GNAQ: variants seen among roughly 807,000 people sequenced by gnomAD.
GNAQ encodes guanine nucleotide-binding protein G(q) subunit alpha.
In GNAQ, 8 loss-of-function variants were observed where a neutral mutation model predicts 43.9. The ratio of observed to expected loss-of-function variants is 0.18; its 90% confidence interval spans 0.11 to 0.33. The LOEUF (loss-of-function observed/expected upper bound fraction) is 0.33, where lower values mean the gene tolerates loss of function less well. GNAQ is among the 10% of genes least tolerant of loss of function. The pLI is 1.00. For synonymous variants in GNAQ, 155 were observed against 170.7 expected (o/e 0.91, Z 0.71); for missense variants, 158 against 450.8 (o/e 0.35, Z 5.88).
In GNAQ at chr9:77,823,661, C is replaced by T. The variant is rs147456304; in HGVS notation, c.322-7891G>A. On this transcript the variant is annotated intron_variant, in intron 2 of 6. Transcript: ENST00000286548. ...TGAAGGGGAAGCAAGCACGTCTTACCGTGGTAGAGCAGGAGAGACAGAGAA... is the reference window on the plus strand; with the variant it reads ...TGAAGGGGAAGCAAGCACGTCTTACTGTGGTAGAGCAGGAGAGACAGAGAA... 5.9e-5 allele frequency among the ~76,000 whole-genome samples: 9 copies of T among 152,192 alleles called. No homozygotes were observed. In the East Asian group the frequency reaches 1.4e-3, roughly 23 times the overall value.
At chr9:77,899,096 T>C (rs1438057932) in intron 2 of GNAQ, among the ~76,000 whole-genome samples, 1 of 152,102 alleles carries the variant, frequency 6.6e-6, no homozygotes, top group Non-Finnish European at 1.5e-5. Flanking sequence ...TCACCCGTTT[T>C]TTTGTTTTGT....
At chr9:77,912,889 T>C (rs1350859137) in intron 2 of GNAQ, among the ~76,000 whole-genome samples, 1 of 152,188 alleles carries the variant, frequency 6.6e-6, no homozygotes, top group African/African-American at 2.4e-5. Flanking sequence ...GGTACACCCC[T>C]GTAATCCCAG....
intron 2 of GNAQ, among the ~76,000 whole-genome samples, chr9:77,848,983 CAG>C (rs1335410963): frequency 1.3e-5 from 2 of 152,186 alleles, no homozygotes; most frequent in South Asian, 2.1e-4. Context: ...AGAAGTGTCT[CAG>C]AGTGTAGCAA....
At chr9:77,830,774 A>G (rs1336120496) in intron 2 of GNAQ, among the ~76,000 whole-genome samples, 1 of 152,134 alleles carries the variant, frequency 6.6e-6, no homozygotes, top group Non-Finnish European at 1.5e-5. Flanking sequence ...TTGAAAATGG[A>G]TATTTGGATA....
intron 2 of GNAQ, among the ~76,000 whole-genome samples, chr9:77,899,552 CAAA>C (rs67934886): frequency 7.3e-6 from 1 of 137,330 alleles, no homozygotes; most frequent in South Asian, 2.3e-4. Context: ...ATCACATTAA[CAAA>C]AAAAAAAATC....
At chr9:77,788,365 A>G (rs1186676179) in intron 5 of GNAQ, among the ~76,000 whole-genome samples, 1 of 152,230 alleles carries the variant, frequency 6.6e-6, no homozygotes, top group East Asian at 1.9e-4. Context: ...AACATGAAAA[A>G]AAATCTCAAC....
rs1826998939 is a variant in GNAQ, at chr9:77,815,561, C to CTTTACT, written c.476+54_476+55insAGTAAA. 4.4e-6 allele frequency: 5 copies of CTTTACT among 1,127,836 alleles called. No homozygotes were observed. The East Asian group carries it at 9.4e-5, about 21-fold the overall frequency. The allele number at this position is 1,127,836 out of a possible 1,614,324, so 69.9% of individuals were successfully genotyped here. A position where few individuals can be genotyped will look rare whatever the true frequency, so the allele number is the denominator to read the frequency against. On this transcript the variant is annotated intron_variant, in intron 3 of 6. Coordinates refer to ENST00000286548, the MANE Select transcript of GNAQ (RefSeq NM_002072.5). ...TAAAGAAGTTATGATAATCATAAAACCTCCACATGGAAGTAAAGAGAAAAA... is the reference window on the plus strand; with the variant it reads ...TAAAGAAGTTATGATAATCATAAAACTTTACTCTCCACATGGAAGTAAAGAGAAAAA...
intron 5 of GNAQ, among the ~76,000 whole-genome samples, chr9:77,733,808 GAC>G (rs1033306936): frequency 1.3e-5 from 2 of 152,220 alleles, no homozygotes; most frequent in African/African-American, 4.8e-5. Context: ...ATGCTGGGGT[GAC>G]ACAGAAGGAA....
intron 5 of GNAQ, among the ~76,000 whole-genome samples, chr9:77,769,365 C>A (rs1410991540): frequency 6.6e-6 from 1 of 150,816 alleles, no homozygotes; most frequent in Non-Finnish European, 1.5e-5. Flanking sequence ...GATTGCGCCA[C>A]TGCACTCCAG....
chr9:77,867,548 T>C (rs1437699140), intron 2 of GNAQ, among the ~76,000 whole-genome samples: 1 of 152,190 alleles, frequency 6.6e-6, no homozygotes, highest in Non-Finnish European at 1.5e-5. Context: ...CATAATTTAT[T>C]AAGATTATAC....
chr9:77,813,708 A>G (rs1333641620), intron 3 of GNAQ, among the ~76,000 whole-genome samples: 2 of 152,202 alleles, frequency 1.3e-5, no homozygotes. Flanking sequence ...TAGTAAGCAC[A>G]TAATTACTAG....
At chr9:77,987,541 G>T (rs553259020) in intron 1 of GNAQ, among the ~76,000 whole-genome samples, 2 of 152,002 alleles carry the variant, frequency 1.3e-5, no homozygotes, top group Non-Finnish European at 2.9e-5. Flanking sequence ...AATATCTCTC[G>T]GCAATCCACC....
rs539953781 is a variant in GNAQ at position 77,930,718 on chromosome 9, A to C, written c.137-8373T>G. 1.2e-4 allele frequency among the ~76,000 whole-genome samples: 18 copies of C among 152,310 alleles called. No homozygotes were observed. In the South Asian group the frequency reaches 3.7e-3, roughly 32 times the overall value. ...ACATACTTTAAGGTCACAGGGTCTC[A>C]GGAGTGTTTGGCCTCAATAGGAAAT... On this transcript the variant is annotated intron_variant, in intron 1 of 6. Transcript: ENST00000286548.
At chr9:77,943,721 T>C (rs766203724) in intron 1 of GNAQ, among the ~76,000 whole-genome samples, 30 of 148,064 alleles carry the variant, frequency 2.0e-4, no homozygotes, top group South Asian at 6.4e-4. Flanking sequence ...TGGAGTGCAG[T>C]GGCGTGATCT....
chr9:77,830,256 C>T (rs777596579), intron 2 of GNAQ, among the ~76,000 whole-genome samples: 37 of 152,108 alleles, frequency 2.4e-4, no homozygotes, highest in South Asian at 6.2e-4. Context: ...GTTGGCCTGG[C>T]CAAGGTTTTC....
chr9:77,861,416 C>A (rs1420297099), intron 2 of GNAQ, among the ~76,000 whole-genome samples: 1 of 152,154 alleles, frequency 6.6e-6, no homozygotes, highest in South Asian at 2.1e-4. Context: ...TCCCAACAGT[C>A]CCCCAAAGTC....
intron 6 of GNAQ, among the ~76,000 whole-genome samples, chr9:77,727,195 T>C (rs1825410695): frequency 6.6e-6 from 1 of 152,104 alleles, no homozygotes; most frequent in African/African-American, 2.4e-5. Flanking sequence ...CCTGCCTCAT[T>C]TTTTATAGAT....
At chr9:77,983,379 T>C (rs2118501416) in intron 1 of GNAQ, among the ~76,000 whole-genome samples, 1 of 152,256 alleles carries the variant, frequency 6.6e-6, no homozygotes, top group Middle Eastern at 3.4e-3. Context: ...TAGGTGTTTA[T>C]TCCCTCCCAA....
chr9:77,842,126 C>A (rs969864949), intron 2 of GNAQ, among the ~76,000 whole-genome samples: 2 of 152,116 alleles, frequency 1.3e-5, no homozygotes, highest in Non-Finnish European at 2.9e-5. Flanking sequence ...TTAAGGTGAA[C>A]TCCTTGACTG....
Sources: gnomAD v4.1 joint callset for allele counts (sites outside exome capture counted in the v4.1 genomes callset) on GRCh38, gnomAD v4.1.1 for gene constraint, MANE v1.5 for transcripts, NCBI Gene and HGNC (gene_info 2026-07-23, HGNC 2026-07-21) for gene names.